The following ZBTB34 variants were observed in gnomAD, a reference collection of about 807,000 sequenced individuals.
ZBTB34 encodes zinc finger and BTB domain containing 34.
A neutral mutation model predicts 33.4 loss-of-function variants in ZBTB34; 1 was observed. That is an observed-to-expected ratio of 0.03 (90% CI 0.01 to 0.14). ZBTB34 has a LOEUF of 0.14. Among genes scored for constraint, ZBTB34 ranks in the 10% least tolerant of loss-of-function variants. ZBTB34 has a pLI of 1.00. For missense variants in ZBTB34, 406 were observed against 657.2 expected (o/e 0.62, Z 4.18); for synonymous variants, 283 against 253.5 (o/e 1.12, Z -1.11).
intron 1 of ZBTB34, among the ~76,000 whole-genome samples, chr9:126,878,393 C>G (rs146076540): frequency 1.3e-5 from 2 of 151,802 alleles, no homozygotes. Context: ...TTGCTTGAAC[C>G]TAGGAGGCGG....
At chr9:126,876,599 T>A (rs2033367168) in intron 1 of ZBTB34, among the ~76,000 whole-genome samples, 1 of 152,182 alleles carries the variant, frequency 6.6e-6, no homozygotes, top group South Asian at 2.1e-4. Flanking sequence ...TCTATTTATT[T>A]AGATGAAGTA....
rs141504127 is a variant in ZBTB34 at position 126,872,260 on chromosome 9, C to T, written c.-10-7130C>T. On this transcript the variant is annotated intron_variant, in intron 1 of 1. Transcript: ENST00000319119. ...GCCACCGCGCCCGGCCTACAAAAAA[C>T]TTTTTTAAAAGCTGGGCACGGTGGT... is the stretch of plus-strand genomic sequence containing the variant. Among the ~76,000 whole-genome samples, 958 of 152,212 alleles carry T rather than the reference C, an allele frequency of 6.3e-3. 38 individuals are homozygous for T. In the East Asian group the frequency reaches 0.1, roughly 16 times the overall value.
chr9:126,880,349 G>A lies in ZBTB34; in HGVS notation c.950G>A (p.Ser317Asn), dbSNP rs2033419972. ...TCCAGCCCATCCAGGTCCATGCTGA[G>A]CTGTTTCCGAGGAGGGCGTGCCCGC... Residue 317 changes from serine (S) to asparagine (N), a missense_variant, in exon 2 of 2, where the codon AGC (serine) becomes AAC (asparagine). Around this residue, in one of 6 missense-constraint regions of ZBTB34, gnomAD observed 123 missense variants for 140.4 expected, o/e 0.88. Transcript: ENST00000319119. The surrounding 1 kb of genome is among the most constrained non-coding windows in gnomAD (Gnocchi z 6.7). 1 of 1,613,866 alleles carries A rather than the reference G, an allele frequency of 6.2e-7. No homozygotes were observed. The highest frequency in any genetic ancestry group is 1.3e-5 in the African/African-American group (1 of 74,964).
chr9:126,877,687 T>C (rs752397600), intron 1 of ZBTB34, among the ~76,000 whole-genome samples: 12 of 152,184 alleles, frequency 7.9e-5, no homozygotes, highest in African/African-American at 2.7e-4. Flanking sequence ...TTCACTCTTG[T>C]TGTCTAAAAT....
chr9:126,880,435 G>A lies in ZBTB34; in HGVS notation c.1036G>A (p.Asp346Asn). Reference sequence around the variant, plus strand: ...CCTGCAGGGCCTGGTGCAGGGCTCTGACAGTGAAGCCATGATGAACAACCC... The same window carrying A: ...CCTGCAGGGCCTGGTGCAGGGCTCTAACAGTGAAGCCATGATGAACAACCC... The change falls in exon 2 of 2, where the codon GAC becomes AAC. Residue 346 changes from aspartate to asparagine, a missense_variant. This residue lies in a region of ZBTB34 where 123 missense variants were observed against 140.4 expected (regional missense o/e 0.88). Coordinates refer to ENST00000319119, the Ensembl canonical transcript of ZBTB34. The surrounding 1 kb of genome is among the most constrained non-coding windows in gnomAD (Gnocchi z 6.7). The A allele has an allele frequency of 6.2e-7, 1 of 1,613,590 alleles. No homozygotes were observed. The highest frequency in any genetic ancestry group is 8.5e-7 in the Non-Finnish European group (1 of 1,179,860).
At position 126,871,087 on chromosome 9, in the gene ZBTB34, GC is replaced by G. The variant is rs2033271059; in HGVS notation, c.-10-8302del. ...CTGCTACCTCTTAGAGGGTAATTTG[GC>G]ATTATCAACTGAAATGAAAAATTTA... On this transcript the variant is annotated intron_variant, in intron 1 of 1. Transcript: ENST00000319119. Among the ~76,000 whole-genome samples the G allele has an allele frequency of 2.0e-5, 3 of 152,018 alleles. No individual in the cohort carries two copies. The South Asian group carries it at 6.2e-4, about 31-fold the overall frequency.
rs778724117 is a variant in ZBTB34 at position 126,879,925 on chromosome 9, C to T, written c.526C>T (p.Arg176Trp). The T allele has an allele frequency of 1.4e-5, 23 of 1,610,862 alleles. No individual in the cohort carries two copies. The highest frequency in any genetic ancestry group is 1.7e-5 in the Non-Finnish European group (20 of 1,179,048). The change falls in exon 2 of 2, where the codon CGG becomes TGG. Residue 176 changes from arginine (R) to tryptophan (W), a missense_variant. Transcript: ENST00000319119. The surrounding 1 kb of genome is among the most constrained non-coding windows in gnomAD (Gnocchi z 6.4). The stretch of plus-strand genomic sequence containing the variant: ...CTCTCCTCCATATTGCTCTCAGGGA[C>T]GGCAGCCCACCGCAAGCAGTGACCT...
At chr9:126,860,769 AGCGGGCTAGGC>A (rs1204306038) in intron 1 of ZBTB34, 30 bp downstream of exon 1, 1 of 119,340 alleles carries the variant, frequency 8.4e-6, no homozygotes, top group African/African-American at 3.1e-5. Context: ...GGCGGCGAGC[AGCGGGCTAGGC>A]GCGGGCGGGG....
intron 1 of ZBTB34, among the ~76,000 whole-genome samples, chr9:126,876,735 C>T (rs2033368804): frequency 6.6e-6 from 1 of 152,194 alleles, no homozygotes; most frequent in South Asian, 2.1e-4. Flanking sequence ...TCATTTGTGC[C>T]TTGGCACTTC....
Position 126,880,916 on chromosome 9 carries a change from A to T in ZBTB34, c.*2A>T. The T allele has an allele frequency of 1.2e-6, 2 of 1,603,888 alleles. No homozygotes were observed. Among genetic ancestry groups the T allele is most frequent in the South Asian group, 2.2e-5 (2 of 90,690 alleles). ...ACAGTGTCTGATGCTCCCGATTAAG[A>T]TGGTAAAGAAGTGCACCCAAACAAA... On this transcript the variant is annotated 3_prime_UTR_variant, in exon 2 of 2. Transcript: ENST00000319119. The surrounding 1 kb of genome is among the most constrained non-coding windows in gnomAD (Gnocchi z 6.7).
chr9:126,866,292 C>CG (rs1222848078), intron 1 of ZBTB34, among the ~76,000 whole-genome samples: 1 of 152,162 alleles, frequency 6.6e-6, no homozygotes, highest in Non-Finnish European at 1.5e-5. Context: ...GGCTGAGCTA[C>CG]GTGGCCTCCG....
chr9:126,874,927 A>C (rs1810025018), intron 1 of ZBTB34, among the ~76,000 whole-genome samples: 1 of 152,334 alleles, frequency 6.6e-6, no homozygotes, highest in South Asian at 2.1e-4. Context: ...GAGAGAATTA[A>C]AACTGATGGA....
chr9:126,880,575 T>C lies in ZBTB34; in HGVS notation c.1176T>C (p.Asp392=), dbSNP rs1164912079. 9.3e-6 allele frequency: 15 copies of C among 1,613,736 alleles called. No individual in the cohort carries two copies. The highest frequency in any genetic ancestry group is 1.3e-5 in the Non-Finnish European group (15 of 1,179,904). ...CCTTCAACCAGAAAGGAAGCCTTGA[T>C]AGGCACATGCGACTCCATATGGGAA... The change falls in exon 2 of 2, where the codon GAT becomes GAC. Residue 392 remains aspartate, a synonymous_variant. Coordinates refer to ENST00000319119, the Ensembl canonical transcript of ZBTB34. This position sits in a 1 kb window ranked among gnomAD's most constrained non-coding sequence, Gnocchi z 6.7.
chr9:126,879,359 G>T lies in ZBTB34; in HGVS notation c.-10-31G>T. ...CACTTGTACTTAGTGAGGAGTCATT[G>T]GTGAATGATGCAAACTCTCTCTCTC... On this transcript the variant is annotated intron_variant, in intron 1 of 1. Transcript: ENST00000319119. This position sits in a 1 kb window ranked among gnomAD's most constrained non-coding sequence, Gnocchi z 6.4. 6.5e-7 allele frequency: 1 copy of T among 1,550,072 alleles called. No homozygotes were observed.
intron 1 of ZBTB34, among the ~76,000 whole-genome samples, chr9:126,877,166 TTTG>T (rs201220574): frequency 7.2e-4 from 110 of 152,328 alleles, no homozygotes; most frequent in Middle Eastern, 3.4e-3. Context: ...GTTACAGCTT[TTTG>T]TTGTTGTTGT....
At chr9:126,864,058 G>A (rs188846963) in intron 1 of ZBTB34, among the ~76,000 whole-genome samples, 1 of 152,272 alleles carries the variant, frequency 6.6e-6, no homozygotes, top group East Asian at 1.9e-4. Flanking sequence ...CCTTAAATGA[G>A]AATTCTCTTT....
chr9:126,873,142 G>A (rs141115376), intron 1 of ZBTB34, among the ~76,000 whole-genome samples: 111 of 152,178 alleles, frequency 7.3e-4, no homozygotes, highest in African/African-American at 2.6e-3. Flanking sequence ...CACTATTTAC[G>A]CACCCCGTGT....
At chr9:126,882,254 G>T (rs1043092030) in exon 2 of ZBTB34, 7 of 167,156 alleles carry the variant, frequency 4.2e-5, no homozygotes, top group African/African-American at 1.7e-4. Context: ...GTCATGTGGT[G>T]CTATTTTTGT....
chr9:126,872,505 T>C (rs1285572666), intron 1 of ZBTB34, among the ~76,000 whole-genome samples: 1 of 152,118 alleles, frequency 6.6e-6, no homozygotes, highest in Non-Finnish European at 1.5e-5. Context: ...AAGAAACCAG[T>C]GAGTAGCCCA....
Sources: gnomAD v4.1 joint callset for allele counts (sites outside exome capture counted in the v4.1 genomes callset) on GRCh38, gnomAD v4.1.1 for gene constraint, gnomAD v4.1.1 regional missense constraint, Gnocchi (gnomAD v3.1) non-coding constraint, MANE v1.5 for transcripts, NCBI Gene and HGNC (gene_info 2026-07-23, HGNC 2026-07-21) for gene names.